The following PDE8A variants were observed in gnomAD, a reference collection of about 807,000 sequenced individuals.
PDE8A encodes the protein high affinity cAMP-specific and IBMX-insensitive 3',5'-cyclic phosphodiesterase 8A.
PDE8A carries 59 observed loss-of-function variants against 105.0 expected under a neutral mutation model. That is an observed-to-expected ratio of 0.56 (90% CI 0.46 to 0.70). The LOEUF (loss-of-function observed/expected upper bound fraction) is 0.70. Ranked by LOEUF, PDE8A falls within the 30% of genes least tolerant of loss-of-function variation. The probability of loss-of-function intolerance (pLI) is 0.00; values close to 1 mark genes in which losing one functional copy is unlikely to be tolerated. For missense variants in PDE8A, 1,014 were observed against 1,045.9 expected (o/e 0.97, Z 0.42); for synonymous variants, 355 against 371.9 (o/e 0.95, Z 0.52).
chr15:85,086,415 G>C (rs1281682952), intron 6 of PDE8A, among the ~76,000 whole-genome samples: 1 of 152,114 alleles, frequency 6.6e-6, no homozygotes, highest in Non-Finnish European at 1.5e-5. Context: ...GGAAAAATAT[G>C]TTTGTAACAT....
At chr15:85,036,923 T>C (rs144887355) in intron 1 of PDE8A, among the ~76,000 whole-genome samples, 6 of 152,258 alleles carry the variant, frequency 3.9e-5, no homozygotes, top group Non-Finnish European at 7.4e-5. Context: ...AGCTAGCAGA[T>C]TGGGGAGGAA....
intron 5 of PDE8A, among the ~76,000 whole-genome samples, chr15:85,082,450 G>A (rs2081482349): frequency 6.6e-6 from 1 of 152,010 alleles, no homozygotes; most frequent in South Asian, 2.1e-4. Context: ...TTACAGTTGA[G>A]GAAACAGGCT....
intron 1 of PDE8A, among the ~76,000 whole-genome samples, chr15:84,986,668 A>G (rs1444305286): frequency 6.6e-6 from 1 of 151,514 alleles, no homozygotes; most frequent in Non-Finnish European, 1.5e-5. Flanking sequence ...GCTGGAGTGC[A>G]GTGGCACAAC....
chr15:85,011,328 G>A (rs915476502), intron 1 of PDE8A, among the ~76,000 whole-genome samples: 5 of 152,112 alleles, frequency 3.3e-5, no homozygotes, highest in African/African-American at 1.2e-4. Flanking sequence ...CTTGTGTAAT[G>A]TTGTTAGAAG....
intron 1 of PDE8A, among the ~76,000 whole-genome samples, chr15:85,017,816 G>C (rs968351675): frequency 1.4e-5 from 2 of 145,878 alleles, no homozygotes. Context: ...GAACCTGGGA[G>C]ACAGAGGTTG....
intron 3 of PDE8A, among the ~76,000 whole-genome samples, chr15:85,072,424 A>C (rs992482185): frequency 5.3e-5 from 8 of 152,156 alleles, no homozygotes; most frequent in African/African-American, 1.9e-4. Flanking sequence ...AGAATCTCTG[A>C]TGTGTAGCTG....
intron 1 of PDE8A, among the ~76,000 whole-genome samples, chr15:85,040,133 G>T (rs892166713): frequency 1.3e-5 from 2 of 152,000 alleles, no homozygotes; most frequent in African/African-American, 4.8e-5. Flanking sequence ...TGGGGTGATG[G>T]ATATGTTAAA....
chr15:85,033,790 G>T, intron 1 of PDE8A, among the ~76,000 whole-genome samples: 1 of 152,144 alleles, frequency 6.6e-6, no homozygotes, highest in Non-Finnish European at 1.5e-5. Flanking sequence ...GCTTGAACCT[G>T]GGAGGCAGAG....
intron 1 of PDE8A, among the ~76,000 whole-genome samples, chr15:85,026,070 G>A (rs528049412): frequency 2.6e-5 from 4 of 152,172 alleles, no homozygotes; most frequent in African/African-American, 4.8e-5. Flanking sequence ...CTCTGAACCC[G>A]TGTTTGTCAA....
chr15:85,046,044 G>T (rs933965903), intron 1 of PDE8A, among the ~76,000 whole-genome samples: 2 of 149,646 alleles, frequency 1.3e-5, no homozygotes, highest in Non-Finnish European at 3.0e-5. Flanking sequence ...TAGGCTCTTC[G>T]TAAGATTCTT....
At chr15:85,060,365 G>A (rs1039034853) in intron 1 of PDE8A, among the ~76,000 whole-genome samples, 7 of 152,150 alleles carry the variant, frequency 4.6e-5, no homozygotes, top group African/African-American at 1.7e-4. Flanking sequence ...AAAGCTTTAT[G>A]TAGTTGGTCC....
In PDE8A at chr15:84,982,253, C is replaced by T. The variant is rs2079724782; in HGVS notation, c.91C>T (p.Pro31Ser). ...GGCACCGCCGCTGTCGTCCGGCGGG[C>T]CGCGCCTCCCGCAGGGCCAGAAGAC... The part of the protein sequence containing the change: ...PAAPPLSSGG[P>S]RLPQGQKTAA... Residue 31 changes from proline (P) to serine (S), a missense_variant, in exon 1 of 22, where the codon CCG becomes TCG. Physicochemically the swap from Pro to Ser is moderately conservative, Grantham distance 74 (BLOSUM62 -1). Coordinates refer to ENST00000394553, the MANE Select transcript of PDE8A (RefSeq NM_002605.3). The T allele has an allele frequency of 1.4e-6, 2 of 1,455,070 alleles. No individual in the cohort carries two copies. The highest frequency in any genetic ancestry group is 1.8e-6 in the Non-Finnish European group (2 of 1,112,072). 90.1% of individuals were successfully genotyped at this position (1,455,070 alleles called of 1,614,324 possible).
chr15:84,995,492 A>C (rs1567219554), intron 1 of PDE8A, among the ~76,000 whole-genome samples: 1 of 151,956 alleles, frequency 6.6e-6, no homozygotes, highest in South Asian at 2.1e-4. Context: ...TAATTAAAAA[A>C]ATTTTTTTTG....
At chr15:85,080,087 CAAAAA>C (rs1339553452) in intron 5 of PDE8A, among the ~76,000 whole-genome samples, 2 of 151,854 alleles carry the variant, frequency 1.3e-5, no homozygotes, top group African/African-American at 4.8e-5. Flanking sequence ...TAAATGCAGA[CAAAAA>C]GAACACAGAT....
intron 1 of PDE8A, among the ~76,000 whole-genome samples, chr15:85,014,456 A>G (rs1281960065): frequency 1.3e-5 from 2 of 152,238 alleles, no homozygotes; most frequent in Non-Finnish European, 2.9e-5. Context: ...TTTGAATAGC[A>G]TAGGCAGGAT....
chr15:85,005,883 TAAGTC>T (rs1260025263), intron 1 of PDE8A, among the ~76,000 whole-genome samples: 1 of 151,942 alleles, frequency 6.6e-6, no homozygotes, highest in East Asian at 1.9e-4. Context: ...ACTGACCAAT[TAAGTC>T]AGGAGTGAGG....
chr15:85,066,377 A>G (rs141418645), intron 2 of PDE8A, among the ~76,000 whole-genome samples: 201 of 152,134 alleles, frequency 1.3e-3, no homozygotes, highest in African/African-American at 4.6e-3. Flanking sequence ...CCTGGGCAAC[A>G]TGGAGGGACC....
rs574533630 is a variant in PDE8A, at chr15:85,052,755, T to G, written c.187-11615T>G. Among the ~76,000 whole-genome samples, 47 of 152,296 alleles carry G rather than the reference T, an allele frequency of 3.1e-4. 1 individual carries two copies. In the Middle Eastern group the frequency reaches 0.014, roughly 44 times the overall value. ...GTCAGATGGGTAGATTGTAAAAATT[T>G]TCTCCCATTTTGTAGGTTGCCTGTT... On this transcript the variant is annotated intron_variant, in intron 1 of 21. Transcript: ENST00000394553.
At chr15:85,117,528 C>G (rs2082114870) in intron 16 of PDE8A, 113 bp from the exon 17 acceptor site, 3 of 857,008 alleles carry the variant, frequency 3.5e-6, no homozygotes, top group South Asian at 3.0e-5. Context: ...CAAGCAATCT[C>G]CACTTTGCTG....
Sources: allele counts gnomAD v4.1 joint callset (sites outside exome capture counted in the v4.1 genomes callset), GRCh38; gene constraint gnomAD v4.1.1; transcripts MANE v1.5; gene names NCBI Gene and HGNC (gene_info 2026-07-23, HGNC 2026-07-21).